MED13: variants seen among roughly 807,000 people sequenced by gnomAD.
The protein encoded by MED13 is mediator of RNA polymerase II transcription subunit 13.
MED13 carries 23 observed loss-of-function variants against 225.2 expected under a neutral mutation model. The ratio of observed to expected loss-of-function variants is 0.10; its 90% CI spans 0.07 to 0.14. The LOEUF is 0.14. Among genes scored for constraint, MED13 ranks in the 10% least tolerant of loss-of-function variants. The pLI, the probability that MED13 is intolerant of heterozygous loss-of-function variation, is 1.00. For synonymous variants in MED13, 942 were observed against 889.2 expected (o/e 1.06, Z -1.06); for missense variants, 2,197 against 2,594.5 (o/e 0.85, Z 3.33).
chr17:62,035,932 T>C (rs1318148402), intron 3 of MED13, among the ~76,000 whole-genome samples: 2 of 151,976 alleles, frequency 1.3e-5, no homozygotes, highest in Non-Finnish European at 2.9e-5. Flanking sequence ...GCTACCAAAA[T>C]AGTAGGGTCA....
chr17:61,990,530 A>T (rs1283754713), intron 11 of MED13, among the ~76,000 whole-genome samples: 3 of 151,152 alleles, frequency 2.0e-5, no homozygotes, highest in African/African-American at 4.9e-5. Flanking sequence ...GTAAAATGTT[A>T]AAAAAATGTA....
At chr17:61,956,664 T>C (rs1425734408) in intron 23 of MED13, among the ~76,000 whole-genome samples, 183 bp from the exon 24 acceptor site, 5 of 151,822 alleles carry the variant, frequency 3.3e-5, no homozygotes, top group African/African-American at 1.2e-4. Flanking sequence ...CTCAGCCTCA[T>C]GAATAGCTAC....
chr17:61,972,709 T>G lies in MED13; in HGVS notation c.3967+18A>C. On this transcript the variant is annotated intron_variant, in intron 17 of 29. Transcript: ENST00000397786. ...CTGATATAAAATTAGTCATTATATA[T>G]CACTATAAATTACTTACCATAAGAG... 6.3e-7 allele frequency: 1 copy of G among 1,584,866 alleles called. No homozygotes were observed. The highest frequency in any genetic ancestry group is 8.6e-7 in the Non-Finnish European group (1 of 1,169,422).
intron 2 of MED13, among the ~76,000 whole-genome samples, chr17:62,061,923 CAATT>C (rs929718575): frequency 3.3e-5 from 5 of 152,130 alleles, no homozygotes; most frequent in East Asian, 1.9e-4. Context: ...TCAAAAATAA[CAATT>C]AACACTGGAG....
intron 20 of MED13, among the ~76,000 whole-genome samples, chr17:61,964,422 G>A (rs1340038273): frequency 1.3e-5 from 2 of 151,950 alleles, no homozygotes; most frequent in African/African-American, 4.8e-5. Flanking sequence ...AAAGTAGCTG[G>A]GCATGGTGGT....
In MED13 at chr17:61,961,699, A is replaced by C. The variant is rs2080002127; in HGVS notation, c.5145T>G (p.Ala1715=). 5.6e-6 allele frequency: 9 copies of C among 1,613,994 alleles called. No individual in the cohort carries two copies. The highest frequency in any genetic ancestry group is 7.6e-6 in the Non-Finnish European group (9 of 1,180,022). The change falls in exon 22 of 30, where the codon GCT becomes GCG. Residue 1715 remains alanine, a synonymous_variant. Coordinates refer to ENST00000397786, the MANE Select transcript of MED13 (RefSeq NM_005121.3). ...EIYPQHLKSL[A]FSAFTQCRRP... ...TCCGACACTGGGTAAAGGCCGAAAA[A>C]GCCAGGGATTTTAAATGCTGGGGAT...
chr17:62,009,420 G>A (rs1043486674), intron 9 of MED13, among the ~76,000 whole-genome samples: 1 of 152,066 alleles, frequency 6.6e-6, no homozygotes, highest in Admixed American at 6.5e-5. Context: ...TAAAAAATAC[G>A]ATGACTAGGC....
At chr17:62,015,631 T>C (rs2080555941) in intron 8 of MED13, among the ~76,000 whole-genome samples, 1 of 149,658 alleles carries the variant, frequency 6.7e-6, no homozygotes, top group Admixed American at 6.7e-5. Context: ...TGGAGTGCAG[T>C]GGCGTGATCT....
In MED13 at chr17:61,959,421, T is replaced by C. The variant is rs567021715; in HGVS notation, c.5480+1446A>G. On this transcript the variant is annotated intron_variant, in intron 23 of 29. Coordinates refer to ENST00000397786, the MANE Select transcript of MED13 (RefSeq NM_005121.3). The stretch of plus-strand genomic sequence containing the variant: ...GGTGGTATTTTTTTTCTCTACTTTC[T>C]CATACTTCACAGATTAGCATATTCT... 5.3e-5 allele frequency among the ~76,000 whole-genome samples: 8 copies of C among 152,238 alleles called. No individual in the cohort carries two copies. In the South Asian group the frequency reaches 8.3e-4, roughly 16 times the overall value.
intron 12 of MED13, among the ~76,000 whole-genome samples, chr17:61,985,679 A>G (rs1347830829): frequency 6.6e-6 from 1 of 152,202 alleles, no homozygotes; most frequent in Non-Finnish European, 1.5e-5. Context: ...CTTAAAATAA[A>G]TAAAAATAAG....
intron 23 of MED13, among the ~76,000 whole-genome samples, chr17:61,958,536 A>C (rs966020550): frequency 1.3e-5 from 2 of 151,966 alleles, no homozygotes; most frequent in Admixed American, 6.6e-5. Flanking sequence ...ACAGGGTTTC[A>C]GCATGTTGGC....
At chr17:61,999,925 C>T (rs973357563) in intron 9 of MED13, among the ~76,000 whole-genome samples, 10 of 151,936 alleles carry the variant, frequency 6.6e-5, no homozygotes, top group Non-Finnish European at 5.9e-5. Flanking sequence ...TTTAATTAGC[C>T]AAGCGGTATT....
At chr17:61,960,744 C>A in intron 23 of MED13, 123 bp downstream of exon 23, 3 of 602,764 alleles carry the variant, frequency 5.0e-6, no homozygotes, top group South Asian at 3.5e-5. Flanking sequence ...TAAAAAGCAC[C>A]CACAACCCCA....
chr17:62,014,217 T>C (rs1162141628), intron 8 of MED13, among the ~76,000 whole-genome samples: 5 of 151,718 alleles, frequency 3.3e-5, no homozygotes, highest in African/African-American at 1.2e-4. Context: ...CCAAAAATAT[T>C]GAAGTTGAGT....
rs1175373745 is a variant in MED13, at chr17:61,943,579, A to G, written c.*2889T>C. On this transcript the variant is annotated 3_prime_UTR_variant, in exon 30 of 30. Coordinates refer to ENST00000397786, the MANE Select transcript of MED13 (RefSeq NM_005121.3). ...AAGAGCTTAATTTTAGTGGTTTAAG[A>G]AAAGTTTAGAAATATTTAAAAATTA... 1 of 152,602 alleles carries G rather than the reference A, an allele frequency of 6.6e-6. No individual in the cohort carries two copies. Among genetic ancestry groups the G allele is most frequent in the African/African-American group, 2.4e-5 (1 of 41,452 alleles). 9.5% of individuals were successfully genotyped at this position (152,602 alleles called of 1,614,324 possible). A position where few individuals can be genotyped will look rare whatever the true frequency, so the allele number is the denominator to read the frequency against.
chr17:62,053,317 T>C (rs1240336723), intron 2 of MED13, among the ~76,000 whole-genome samples: 1 of 152,146 alleles, frequency 6.6e-6, no homozygotes, highest in Non-Finnish European at 1.5e-5. Flanking sequence ...ACCCTTTACT[T>C]GGGGGAGAAA....
intron 8 of MED13, among the ~76,000 whole-genome samples, chr17:62,025,965 TGAGA>T (rs1188019637): frequency 6.6e-6 from 1 of 152,204 alleles, no homozygotes; most frequent in South Asian, 2.1e-4. Context: ...ACAGCACACT[TGAGA>T]GAGTCTGTTA....
At chr17:62,042,537 G>C (rs2080861452) in intron 3 of MED13, among the ~76,000 whole-genome samples, 1 of 142,818 alleles carries the variant, frequency 7.0e-6, no homozygotes. Flanking sequence ...ACTCCAGCCT[G>C]GTGACAGAGC....
intron 3 of MED13, among the ~76,000 whole-genome samples, chr17:62,039,969 C>T (rs542352874): frequency 1.3e-5 from 2 of 152,172 alleles, no homozygotes; most frequent in Admixed American, 6.6e-5. Context: ...TTCACAGGCA[C>T]AGTCGCGGAG....
Sources: allele counts gnomAD v4.1 joint callset (sites outside exome capture counted in the v4.1 genomes callset), GRCh38; gene constraint gnomAD v4.1.1; transcripts MANE v1.5; gene names NCBI Gene and HGNC (gene_info 2026-07-23, HGNC 2026-07-21).